Variants in APOH observed in about 807,000 individuals in gnomAD.
APOH encodes beta-2-glycoprotein 1.
Under a neutral mutation model 39.8 loss-of-function variants are expected in APOH, and 48 were observed. The ratio of observed to expected loss-of-function variants is 1.21; its 90% CI spans 0.96 to 1.54. The LOEUF is 1.54. Ranked by LOEUF, APOH falls within the 40% of genes most tolerant of loss-of-function variation. The pLI is 0.00. For missense variants in APOH, 415 were observed against 421.2 expected (o/e 0.99, Z 0.13); for synonymous variants, 153 against 151.1 (o/e 1.01, Z -0.09).
intron 4 of APOH, among the ~76,000 whole-genome samples, chr17:66,221,115 C>A (rs560903040): frequency 3.3e-5 from 5 of 151,844 alleles, no homozygotes; most frequent in African/African-American, 9.7e-5. Flanking sequence ...ATCGCTTGAA[C>A]CTGGGAGGCG....
At chr17:66,212,220 G>A (rs775116700) in intron 7 of APOH, 32 bp from the exon 8 acceptor site, 3 of 1,590,276 alleles carry the variant, frequency 1.9e-6, no homozygotes, top group African/African-American at 2.7e-5. Context: ...AACATTCTAA[G>A]AGAAACAATC....
chr17:66,227,752 T>C (rs1379356578), intron 2 of APOH, among the ~76,000 whole-genome samples: 7 of 152,200 alleles, frequency 4.6e-5, no homozygotes, highest in Admixed American at 4.6e-4. Flanking sequence ...TTCTGTAGTG[T>C]TTCTTTCTCC....
chr17:66,223,640 G>A, intron 4 of APOH, 58 bp downstream of exon 4: 1 of 1,462,872 alleles, frequency 6.8e-7, no homozygotes, highest in Middle Eastern at 1.7e-4. Flanking sequence ...GAGACTTTGA[G>A]TGCTAAAACC....
rs1285487070 is a variant in APOH, at chr17:66,214,603, C to G, written c.832G>C (p.Glu278Gln). Reference sequence around the variant, plus strand: ...AATTTTTCCTGAATCTTTACTCTCTCTCCTTGGTACACCACAGTGGCTTTT... The same window carrying G: ...AATTTTTCCTGAATCTTTACTCTCTGTCCTTGGTACACCACAGTGGCTTTT... ...VKKATVVYQG[E>Q]RVKIQEKFKN... Residue 278 changes from glutamate (E) to glutamine (Q), a missense_variant, in exon 7 of 8, where the codon GAG (glutamate) becomes CAG (glutamine). By Grantham distance (29) the Glu-to-Gln change is conservative (BLOSUM62 2). This residue lies in a region of APOH where 120 missense variants were observed against 110.6 expected (regional missense o/e 1.08). Transcript: ENST00000205948. The G allele has an allele frequency of 6.8e-6, 11 of 1,613,898 alleles. No individual in the cohort carries two copies. Among genetic ancestry groups the G allele is most frequent in the African/African-American group, 5.3e-5 (4 of 74,886 alleles).
In APOH at chr17:66,228,955, C is replaced by A. The variant is rs531828429; in HGVS notation, c.64+361G>T. The stretch of plus-strand genomic sequence containing the variant: ...TCAAGCAATTCTCCTGCCTCAGCCT[C>A]CCGAGTGGCTGGGATTACAGGCGCC... On this transcript the variant is annotated intron_variant, in intron 1 of 7. Coordinates refer to ENST00000205948, the MANE Select transcript of APOH (RefSeq NM_000042.3). Among the ~76,000 whole-genome samples the A allele has an allele frequency of 2.0e-5, 3 of 151,914 alleles. No individual in the cohort carries two copies. In the South Asian group the frequency reaches 6.2e-4, roughly 32 times the overall value.
At position 66,228,487 on chromosome 17, in the gene APOH, T is replaced by C. The variant is rs540371511; in HGVS notation, c.65-291A>G. Reference sequence around the variant, plus strand: ...AAAGAATCAGTATCAATCCAGTCCCTCCAGCATCCACTCTAAAGAGAATTT... The same window carrying C: ...AAAGAATCAGTATCAATCCAGTCCCCCCAGCATCCACTCTAAAGAGAATTT... On this transcript the variant is annotated intron_variant, in intron 1 of 7. Transcript: ENST00000205948. 6 of 299,526 alleles carry C rather than the reference T, an allele frequency of 2.0e-5. No homozygotes were observed. The South Asian group carries it at 2.5e-4, about 12-fold the overall frequency. 18.6% of individuals were successfully genotyped at this position (299,526 alleles called of 1,614,324 possible).
chr17:66,220,864 C>G, intron 4 of APOH, 122 bp from the exon 5 acceptor site: 3 of 1,070,054 alleles, frequency 2.8e-6, no homozygotes, highest in African/African-American at 1.6e-5. Flanking sequence ...ATCAAATTAG[C>G]AGGGTAAAAA....
chr17:66,221,045 G>A (rs1052483334), intron 4 of APOH, among the ~76,000 whole-genome samples: 1 of 151,636 alleles, frequency 6.6e-6, no homozygotes, highest in African/African-American at 2.4e-5. Flanking sequence ...ATACAAAAAT[G>A]AGCCAGGCAT....
intron 2 of APOH, among the ~76,000 whole-genome samples, chr17:66,226,953 A>G (rs979965260): frequency 1.3e-5 from 2 of 152,036 alleles, no homozygotes; most frequent in East Asian, 3.9e-4. Context: ...CAGTGGCACA[A>G]TCTCAGCTCA....
intron 5 of APOH, among the ~76,000 whole-genome samples, chr17:66,217,354 C>CA (rs1567738776): frequency 6.9e-6 from 1 of 144,444 alleles, no homozygotes; most frequent in East Asian, 2.2e-4. Flanking sequence ...ACCCCCCCCC[C>CA]CATTCACACT....
intron 7 of APOH, among the ~76,000 whole-genome samples, chr17:66,212,815 A>G (rs1215976980): frequency 6.6e-6 from 1 of 152,244 alleles, no homozygotes; most frequent in East Asian, 1.9e-4. Context: ...ATAAGGGAGA[A>G]GATCCTGAAG....
At chr17:66,218,357 T>C (rs2073377834) in intron 5 of APOH, among the ~76,000 whole-genome samples, 1 of 152,046 alleles carries the variant, frequency 6.6e-6, no homozygotes, top group Non-Finnish European at 1.5e-5. Context: ...TTGCCCAGGC[T>C]GGAGTGCAGT....
rs775450143 is a variant in APOH at position 66,220,644 on chromosome 17, AAAC to A, written c.511_513del (p.Val171del). The A allele has an allele frequency of 5.0e-6, 8 of 1,614,076 alleles. No homozygotes were observed. The South Asian group carries it at 5.5e-5, about 11-fold the overall frequency. On this transcript the variant is annotated inframe_deletion, in exon 5 of 8. Coordinates refer to ENST00000205948, the MANE Select transcript of APOH (RefSeq NM_000042.3). ...ATCGCATGTTGTGGCAAACATTCAA[AAAC>A]TGCTGTGTCCCGATAGAGGGAATTG...
chr17:66,219,910 A>G (rs947312363), intron 5 of APOH, among the ~76,000 whole-genome samples: 7 of 152,200 alleles, frequency 4.6e-5, no homozygotes, highest in Non-Finnish European at 1.0e-4. Context: ...ACTATCTCAA[A>G]AAAAAGAAAA....
At chr17:66,215,082 A>T (rs2073356755) in intron 6 of APOH, among the ~76,000 whole-genome samples, 1 of 152,182 alleles carries the variant, frequency 6.6e-6, no homozygotes, top group Non-Finnish European at 1.5e-5. Context: ...GCCTTCAGCC[A>T]TAGGGAAGCC....
intron 5 of APOH, 93 bp downstream of exon 5, chr17:66,220,461 T>C (rs779001086): frequency 2.4e-6 from 3 of 1,259,188 alleles, no homozygotes; most frequent in Non-Finnish European, 3.4e-6. Flanking sequence ...AATGAGTTCA[T>C]TGGAAACACT....
At chr17:66,216,115 C>G (rs2073363534) in intron 6 of APOH, among the ~76,000 whole-genome samples, 2 of 147,860 alleles carry the variant, frequency 1.4e-5, no homozygotes, top group South Asian at 4.3e-4. Context: ...TTGCAGGGAA[C>G]TGAGATTCTA....
chr17:66,229,288 T>G (rs769334802), intron 1 of APOH, 28 bp downstream of exon 1: 7 of 1,592,774 alleles, frequency 4.4e-6, no homozygotes, highest in Non-Finnish European at 6.0e-6. Context: ...ATATATTAAT[T>G]ATTTTTTCAA....
rs923963950 is a variant in APOH, at chr17:66,225,671, T to C, written c.338+357A>G. On this transcript the variant is annotated intron_variant, in intron 3 of 7. Transcript: ENST00000205948. Reference sequence around the variant, plus strand: ...CCAATCCTTACCCCACCCTCAATGCTACAAGACCATCCTGGCTAACACAGT... The same window carrying C: ...CCAATCCTTACCCCACCCTCAATGCCACAAGACCATCCTGGCTAACACAGT... 2.0e-4 allele frequency among the ~76,000 whole-genome samples: 30 copies of C among 152,144 alleles called. 1 individual carries two copies. Among genetic ancestry groups the C allele is most frequent in the Admixed American group, 1.7e-3 (26 of 15,266 alleles).
Sources: allele counts gnomAD v4.1 joint callset (sites outside exome capture counted in the v4.1 genomes callset), GRCh38; gene constraint gnomAD v4.1.1; regional missense constraint gnomAD v4.1.1; transcripts MANE v1.5; gene names NCBI Gene and HGNC (gene_info 2026-07-23, HGNC 2026-07-21).